The following MACC1 variants were observed in gnomAD, a reference collection of about 807,000 sequenced individuals.
MACC1 encodes MET transcriptional regulator MACC1, also known as metastasis-associated in colon cancer protein 1.
In MACC1, 79 loss-of-function variants were observed where a neutral mutation model predicts 70.7. That is an observed-to-expected ratio of 1.12 (90% CI 0.93 to 1.35). The LOEUF (loss-of-function observed/expected upper bound fraction) is 1.35. Ranked by LOEUF, MACC1 falls within the 40% of genes most tolerant of loss-of-function variation. The pLI is 0.00. For missense variants in MACC1, 1,106 were observed against 978.1 expected, an observed-to-expected ratio of 1.13 and a Z score of -1.74; for synonymous variants, 361 against 347.2, an observed-to-expected ratio of 1.04 and a Z score of -0.44.
chr7:20,142,794 G>A (rs1398616537), intron 6 of MACC1, among the ~76,000 whole-genome samples: 1 of 152,180 alleles, frequency 6.6e-6, no homozygotes, highest in Non-Finnish European at 1.5e-5. Context: ...CTGAGACGTG[G>A]ACACTACCTT....
At chr7:20,205,290 A>G (rs1288092458) in intron 1 of MACC1, among the ~76,000 whole-genome samples, 1 of 152,252 alleles carries the variant, frequency 6.6e-6, no homozygotes, top group African/African-American at 2.4e-5. Flanking sequence ...AAAAGAACAT[A>G]GAAGTTGGAA....
intron 1 of MACC1, among the ~76,000 whole-genome samples, chr7:20,176,070 CAG>C (rs1782388541): frequency 6.6e-6 from 1 of 151,904 alleles, no homozygotes; most frequent in South Asian, 2.1e-4. Context: ...GAAATCAAGT[CAG>C]AGATATTAAA....
intron 1 of MACC1, among the ~76,000 whole-genome samples, chr7:20,180,478 G>C (rs762523290): frequency 2.0e-5 from 3 of 151,888 alleles, no homozygotes; most frequent in Non-Finnish European, 4.4e-5. Context: ...AAATGTATAG[G>C]CTTAAATTAG....
chr7:20,173,102 C>T (rs1266843450), intron 1 of MACC1, among the ~76,000 whole-genome samples: 3 of 152,024 alleles, frequency 2.0e-5, no homozygotes, highest in Non-Finnish European at 4.4e-5. Context: ...ATACAGATGC[C>T]CAGAAATCAT....
intron 1 of MACC1, among the ~76,000 whole-genome samples, chr7:20,173,164 C>G (rs1782338078): frequency 6.6e-6 from 1 of 152,140 alleles, no homozygotes; most frequent in Admixed American, 6.5e-5. Context: ...TAAAAAGTTT[C>G]TGGGAGATAA....
At position 20,158,453 on chromosome 7, in the gene MACC1, A is replaced by G. The variant is rs1216743543; in HGVS notation, c.1908T>C (p.Leu636=). Residue 636 remains leucine (L), a synonymous_variant, in exon 5 of 7, where the codon CTT becomes CTC. Coordinates refer to ENST00000400331, the MANE Select transcript of MACC1 (RefSeq NM_182762.4). ...TTTTTAAAGGCAGGACAATCTGTTC[A>G]AGAAGATTTCTGGTTGTAAAGACAC... ...SDSVFTTRNL[L]EQIVLPLKKL... 6.2e-7 allele frequency: 1 copy of G among 1,614,044 alleles called. No individual in the cohort carries two copies. Among genetic ancestry groups the G allele is most frequent in the Admixed American group, 1.7e-5 (1 of 59,996 alleles).
chr7:20,189,750 A>ACAC lies in MACC1; in HGVS notation c.-217-18973_-217-18972insGTG, dbSNP rs1554291002. 5.0e-3 allele frequency among the ~76,000 whole-genome samples: 589 copies of ACAC among 117,744 alleles called. 1 individual carries two copies. Among genetic ancestry groups the ACAC allele is most frequent in the African/African-American group, 9.5e-3 (269 of 28,208 alleles). 77.2% of individuals were successfully genotyped at this position (117,744 alleles called of 152,430 possible). A position where few individuals can be genotyped will look rare whatever the true frequency, so the allele number is the denominator to read the frequency against. ...ACAGACAGACATACACAAACACATAAACACACACACACACACACACACACA... is the reference window on the plus strand; with the variant it reads ...ACAGACAGACATACACAAACACATAACACACACACACACACACACACACACACA... On this transcript the variant is annotated intron_variant, in intron 1 of 6. Transcript: ENST00000400331.
rs1405786711 is a variant in MACC1, at chr7:20,138,135, A to C, written c.*2811T>G. 7.4e-6 allele frequency: 1 copy of C among 135,854 alleles called. No individual in the cohort carries two copies. The highest frequency in any genetic ancestry group is 2.8e-5 in the African/African-American group (1 of 36,014). 8.4% of individuals were successfully genotyped at this position (135,854 alleles called of 1,614,324 possible). Reference sequence around the variant, plus strand: ...AACACCGCACTCCAGTCTGGGCAACAGAGCCAGACTCTGGCTCAAAAAAAA... The same window carrying C: ...AACACCGCACTCCAGTCTGGGCAACCGAGCCAGACTCTGGCTCAAAAAAAA... On this transcript the variant is annotated 3_prime_UTR_variant, in exon 7 of 7. Coordinates refer to ENST00000400331, the MANE Select transcript of MACC1 (RefSeq NM_182762.4).
Position 20,159,386 on chromosome 7 carries a change from G to A in MACC1, c.975C>T (p.Asn325=), listed in dbSNP as rs1562585890. The stretch of plus-strand genomic sequence containing the variant: ...GGATGGTGTCTTTATAAATGTAGCA[G>A]TTGCTTAAAACTTTAAAAGGGCCTT... ...GKEGPFKVLS[N]CYIYKDTIQV... Residue 325 remains asparagine, a synonymous_variant, in exon 5 of 7, where the codon AAC becomes AAT. Transcript: ENST00000400331. 6.2e-7 allele frequency: 1 copy of A among 1,614,042 alleles called. No homozygotes were observed. Among genetic ancestry groups the A allele is most frequent in the South Asian group, 1.1e-5 (1 of 91,084 alleles).
At chr7:20,184,335 AGC>A (rs1782553983) in intron 1 of MACC1, among the ~76,000 whole-genome samples, 1 of 152,206 alleles carries the variant, frequency 6.6e-6, no homozygotes, top group South Asian at 2.1e-4. Context: ...TTTAAACATG[AGC>A]AGCAATCTCA....
chr7:20,180,696 A>C (rs1318975353), intron 1 of MACC1, among the ~76,000 whole-genome samples: 1 of 152,062 alleles, frequency 6.6e-6, no homozygotes, highest in Non-Finnish European at 1.5e-5. Flanking sequence ...AATTTAAAAA[A>C]ATTAGCCAGA....
At chr7:20,197,504 A>G (rs1313156761) in intron 1 of MACC1, among the ~76,000 whole-genome samples, 1 of 152,190 alleles carries the variant, frequency 6.6e-6, no homozygotes. Flanking sequence ...GCATTTTTAC[A>G]TGTTGTCCTG....
chr7:20,204,604 C>G (rs1047077896), intron 1 of MACC1, among the ~76,000 whole-genome samples: 1 of 152,170 alleles, frequency 6.6e-6, no homozygotes, highest in Non-Finnish European at 1.5e-5. Context: ...TTTATAAGAT[C>G]AACCTGGAAA....
intron 3 of MACC1, among the ~76,000 whole-genome samples, chr7:20,162,475 T>A (rs538425003): frequency 4.6e-5 from 7 of 152,236 alleles, no homozygotes; most frequent in Non-Finnish European, 1.0e-4. Context: ...AGCAAAGAGC[T>A]AATACTCAAT....
At chr7:20,171,885 A>G (rs1003284718) in intron 1 of MACC1, among the ~76,000 whole-genome samples, 2 of 152,320 alleles carry the variant, frequency 1.3e-5, no homozygotes, top group East Asian at 1.9e-4. Context: ...TCAACACGGT[A>G]TCAAGTGATG....
intron 2 of MACC1, among the ~76,000 whole-genome samples, chr7:20,169,980 G>A (rs1182931475): frequency 2.6e-5 from 4 of 152,120 alleles, no homozygotes; most frequent in African/African-American, 4.8e-5. Context: ...CAGATGTCTT[G>A]AGACTCCAAT....
At chr7:20,185,589 G>A (rs991009933) in intron 1 of MACC1, among the ~76,000 whole-genome samples, 3 of 151,996 alleles carry the variant, frequency 2.0e-5, no homozygotes, top group Non-Finnish European at 4.4e-5. Flanking sequence ...AGAGAACAAA[G>A]TGAAATCAAT....
In MACC1 at chr7:20,159,510, TC is replaced by T. The variant is rs1371436210; in HGVS notation, c.850del (p.Glu284LysfsTer7). On this transcript the variant is annotated frameshift_variant, in exon 5 of 7. Coordinates refer to ENST00000400331, the MANE Select transcript of MACC1 (RefSeq NM_182762.4). LOFTEE classifies it high-confidence loss of function. ...EIMLGNLNTMEALLLEMKIGA... is the reference protein window; with the variant it reads ...EIMLGNLNTMXALLLEMKIGA... The stretch of plus-strand genomic sequence containing the variant: ...AATTTTCATCTCCAGCAAAAGGGCT[TC>T]CATTGTATTGAGGTTGCCTAACATG... 6.2e-7 allele frequency: 1 copy of T among 1,614,012 alleles called. No homozygotes were observed. The highest frequency in any genetic ancestry group is 8.5e-7 in the Non-Finnish European group (1 of 1,180,028).
At chr7:20,161,712 A>C (rs752134312) in intron 4 of MACC1, 36 bp downstream of exon 4, 1 of 1,293,788 alleles carries the variant, frequency 7.7e-7, no homozygotes, top group East Asian at 2.3e-5. Flanking sequence ...TCATATACTT[A>C]CATGGACAAA....
Sources: allele counts gnomAD v4.1 joint callset (sites outside exome capture counted in the v4.1 genomes callset), GRCh38; gene constraint gnomAD v4.1.1; transcripts MANE v1.5; gene names NCBI Gene and HGNC (gene_info 2026-07-23, HGNC 2026-07-21).